The following DAAM2 variants were observed in gnomAD, a reference collection of about 807,000 sequenced individuals.
The protein encoded by DAAM2 is dishevelled associated activator of morphogenesis 2, also known as disheveled-associated activator of morphogenesis 2.
DAAM2 carries 39 observed loss-of-function variants against 120.7 expected under a neutral mutation model. That is an observed-to-expected ratio of 0.32 (90% confidence interval 0.25 to 0.42). The LOEUF is 0.42. Ranked by LOEUF, DAAM2 falls within the 10% of genes least tolerant of loss-of-function variation. The pLI is 1.00. For missense variants in DAAM2, 1,283 were observed against 1,401.7 expected (o/e 0.92, Z 1.35); for synonymous variants, 488 against 524.9 (o/e 0.93, Z 0.96).
chr6:39,798,304 T>C (rs1761759497), intron 1 of DAAM2, among the ~76,000 whole-genome samples: 1 of 152,160 alleles, frequency 6.6e-6, no homozygotes. Flanking sequence ...GGGATGATAA[T>C]AAAATACCTC....
chr6:39,883,396 T>C (rs1327912557), intron 14 of DAAM2: 1 of 152,960 alleles, frequency 6.5e-6, no homozygotes, highest in Non-Finnish European at 1.5e-5. Context: ...TCACTACAGG[T>C]GCCAGGTCCC....
rs1208121866 is a variant in DAAM2 at position 39,903,267 on chromosome 6, A to G, written c.*1230A>G. ...AGAGCAGGCAAGGGAAACTGGGGAG[A>G]TGGGGATGGAGGAGGAAGGCTGATA... is the stretch of plus-strand genomic sequence containing the variant. On this transcript the variant is annotated 3_prime_UTR_variant, in exon 25 of 25. Transcript: ENST00000274867. 6.6e-6 allele frequency: 1 copy of G among 152,396 alleles called. No homozygotes were observed. Among genetic ancestry groups the G allele is most frequent in the African/African-American group, 2.4e-5 (1 of 41,432 alleles). 9.4% of individuals were successfully genotyped at this position (152,396 alleles called of 1,614,324 possible).
At chr6:39,801,365 G>A (rs1435971585) in intron 1 of DAAM2, among the ~76,000 whole-genome samples, 1 of 152,130 alleles carries the variant, frequency 6.6e-6, no homozygotes, top group Non-Finnish European at 1.5e-5. Flanking sequence ...CCAACCCCAT[G>A]CTAATCTGAG....
intron 21 of DAAM2, 57 bp downstream of exon 21, chr6:39,897,339 C>T: frequency 1.7e-6 from 2 of 1,198,498 alleles, no homozygotes; most frequent in Non-Finnish European, 2.5e-6. Flanking sequence ...TCTTGTCTTA[C>T]TTTCCTCTTT....
At position 39,902,121 on chromosome 6, in the gene DAAM2, C is replaced by T; in HGVS notation, c.*84C>T. 8.0e-7 allele frequency: 1 copy of T among 1,245,326 alleles called. No homozygotes were observed. The highest frequency in any genetic ancestry group is 1.1e-6 in the Non-Finnish European group (1 of 900,142). 77.1% of individuals were successfully genotyped at this position (1,245,326 alleles called of 1,614,324 possible). A position where few individuals can be genotyped will look rare whatever the true frequency, so the allele number is the denominator to read the frequency against. ...GTGGAGGAGGTGGTGATATTTAAAC[C>T]ATTTGGTGCTTGGTTTAGAGCCTTG... is the stretch of plus-strand genomic sequence containing the variant. On this transcript the variant is annotated 3_prime_UTR_variant, in exon 25 of 25. Transcript: ENST00000274867.
chr6:39,863,177 G>A (rs566346260), intron 3 of DAAM2, among the ~76,000 whole-genome samples: 2 of 151,880 alleles, frequency 1.3e-5, no homozygotes, highest in East Asian at 3.9e-4. Flanking sequence ...CACAGTGATT[G>A]GCATCTAGTA....
At position 39,853,645 on chromosome 6, in the gene DAAM2, G is replaced by T. The variant is rs186536324; in HGVS notation, c.-56-2602G>T. Among the ~76,000 whole-genome samples, 58 of 152,306 alleles carry T rather than the reference G, an allele frequency of 3.8e-4. No homozygotes were observed. In the East Asian group the frequency reaches 8.3e-3, roughly 22 times the overall value. On this transcript the variant is annotated intron_variant, in intron 1 of 24. Coordinates refer to ENST00000274867, the MANE Select transcript of DAAM2 (RefSeq NM_001201427.2). ...CCTGCTGCCATGTCTGATTCCTCTA[G>T]TAGAGCCAAGAAAGGTAAGAGGGAG...
chr6:39,869,055 G>A (rs1441765702), intron 7 of DAAM2, 122 bp downstream of exon 7: 2 of 735,214 alleles, frequency 2.7e-6, no homozygotes, highest in Non-Finnish European at 4.7e-6. Context: ...CTCCTGGGGA[G>A]TTGCCTACAT....
intron 6 of DAAM2, 79 bp from the exon 7 acceptor site, chr6:39,868,744 G>C (rs1025394294): frequency 9.7e-7 from 1 of 1,030,922 alleles, no homozygotes; most frequent in Non-Finnish European, 1.5e-6. Context: ...TAGTGGAGGC[G>C]ACAGGAGTAA....
intron 22 of DAAM2, among the ~76,000 whole-genome samples, chr6:39,899,206 T>C (rs181772375): frequency 1.8e-3 from 270 of 152,322 alleles, no homozygotes; most frequent in African/African-American, 5.9e-3. Flanking sequence ...CATGCCTACA[T>C]TGGATTCAAG....
In DAAM2 at chr6:39,856,353, C is replaced by A; in HGVS notation, c.51C>A (p.Phe17Leu). ...ATGGCCTGGGCTTCCTGTGCTGCTT[C>A]GGGGGCAGTGACATCCCCGAAATCA... is the stretch of plus-strand genomic sequence containing the variant. ...SHHGLGFLCC[F>L]GGSDIPEINL... is the part of the protein sequence containing the mutation. The change falls in exon 2 of 25, where the codon TTC becomes TTA. Residue 17 changes from phenylalanine to leucine, a missense_variant. Physicochemically the swap from Phe to Leu is conservative, Grantham distance 22. Coordinates refer to ENST00000274867, the MANE Select transcript of DAAM2 (RefSeq NM_001201427.2). The A allele has an allele frequency of 6.4e-7, 1 of 1,553,546 alleles. No homozygotes were observed. The highest frequency in any genetic ancestry group is 8.7e-7 in the Non-Finnish European group (1 of 1,149,476).
At chr6:39,816,254 C>T (rs1582612104) in intron 1 of DAAM2, among the ~76,000 whole-genome samples, 2 of 152,264 alleles carry the variant, frequency 1.3e-5, no homozygotes, top group Non-Finnish European at 2.9e-5. Context: ...ATCTGAGGTC[C>T]CACAGTTTGA....
chr6:39,812,676 T>G (rs1234305603), intron 1 of DAAM2, among the ~76,000 whole-genome samples: 1 of 88,596 alleles, frequency 1.1e-5, no homozygotes, highest in Non-Finnish European at 2.9e-5. Flanking sequence ...TTGGAGTGCC[T>G]GTAACTCAAA....
chr6:39,882,086 A>G (rs1033229684), intron 14 of DAAM2: 3 of 152,160 alleles, frequency 2.0e-5, no homozygotes, highest in Admixed American at 6.5e-5. Context: ...CATGTGAAGG[A>G]TATCTCCAGC....
Position 39,865,073 on chromosome 6 carries a change from A to G in DAAM2, c.427A>G (p.Arg143Gly). The change falls in exon 5 of 25, where the codon AGG becomes GGG. Residue 143 changes from arginine to glycine, a missense_variant and splice_region_variant. By Grantham distance (125) the Arg-to-Gly change is moderately radical (BLOSUM62 -2). Around this residue, in one of 3 missense-constraint regions of DAAM2, gnomAD observed 197 missense variants for 189.3 expected, o/e 1.04. Coordinates refer to ENST00000274867, the MANE Select transcript of DAAM2 (RefSeq NM_001201427.2). ...GACAGCCCTCCGGACACAGCCTATG[A>G]GGTAATTCAGTTTCCCCCTCTTGCT... ...LKTALRTQPM[R>G]FVTRFIELEG... The G allele has an allele frequency of 1.3e-6, 2 of 1,530,906 alleles. No homozygotes were observed. Among genetic ancestry groups the G allele is most frequent in the Non-Finnish European group, 1.8e-6 (2 of 1,113,760 alleles). The allele number at this position is 1,530,906 out of a possible 1,614,324, so 94.8% of individuals were successfully genotyped here.
intron 1 of DAAM2, among the ~76,000 whole-genome samples, chr6:39,796,641 A>C (rs915372843): frequency 7.9e-5 from 3 of 37,754 alleles, no homozygotes; most frequent in Non-Finnish European, 1.2e-4. Context: ...AAAAAAAAAA[A>C]CCTGTAAAAA....
chr6:39,857,429 T>C (rs1764050469), intron 2 of DAAM2, among the ~76,000 whole-genome samples: 1 of 152,250 alleles, frequency 6.6e-6, no homozygotes, highest in African/African-American at 2.4e-5. Context: ...GATGAGATTA[T>C]GCAGGTTATA....
chr6:39,823,063 C>T (rs1182818343), intron 1 of DAAM2: 1 of 152,044 alleles, frequency 6.6e-6, no homozygotes, highest in African/African-American at 2.4e-5. Flanking sequence ...TCTGAATGAC[C>T]ACCATATAAC....
At chr6:39,895,129 C>T (rs1765992648) in intron 19 of DAAM2, among the ~76,000 whole-genome samples, 1 of 151,942 alleles carries the variant, frequency 6.6e-6, no homozygotes, top group African/African-American at 2.4e-5. Context: ...ACCCAAATAC[C>T]CACCAAGAAT....
Sources: gnomAD v4.1 joint callset for allele counts (sites outside exome capture counted in the v4.1 genomes callset) on GRCh38, gnomAD v4.1.1 for gene constraint, gnomAD v4.1.1 regional missense constraint, MANE v1.5 for transcripts, NCBI Gene and HGNC (gene_info 2026-07-23, HGNC 2026-07-21) for gene names.